Variants in TEX14 observed in about 807,000 individuals in gnomAD.
TEX14 encodes testis expressed 14, intercellular bridge forming factor, also known as inactive serine/threonine-protein kinase TEX14.
TEX14 carries 168 observed loss-of-function variants against 178.6 expected under a neutral mutation model. That is an observed-to-expected ratio of 0.94 (90% confidence interval 0.83 to 1.07). The LOEUF is 1.07. Ranked by LOEUF, TEX14 falls within the 50% of genes least tolerant of loss-of-function variation. TEX14 has a pLI of 0.00. For synonymous variants in TEX14, 626 were observed against 634.1 expected (o/e 0.99, Z 0.19); for missense variants, 1,730 against 1,753.6 (o/e 0.99, Z 0.24).
At chr17:58,623,722 G>T (rs1372383875) in intron 3 of TEX14, among the ~76,000 whole-genome samples, 1 of 149,608 alleles carries the variant, frequency 6.7e-6, no homozygotes, top group Non-Finnish European at 1.5e-5. Flanking sequence ...AACACAAATA[G>T]GAGGAGGAGG....
chr17:58,689,046 T>C (rs1311501918), intron 1 of TEX14, among the ~76,000 whole-genome samples: 1 of 152,044 alleles, frequency 6.6e-6, no homozygotes, highest in African/African-American at 2.4e-5. Flanking sequence ...TTCTCCTGCC[T>C]CAGCCTCCCA....
intron 26 of TEX14, among the ~76,000 whole-genome samples, chr17:58,568,535 G>C (rs917796313): frequency 6.6e-6 from 1 of 152,194 alleles, no homozygotes; most frequent in South Asian, 2.1e-4. Flanking sequence ...GGGCTGGTTG[G>C]CCAGGCTGTC....
At chr17:58,574,674 C>CAA (rs2044632875) in intron 21 of TEX14, among the ~76,000 whole-genome samples, 1 of 20,522 alleles carries the variant, frequency 4.9e-5, no homozygotes, top group African/African-American at 3.3e-4. Flanking sequence ...GACTCCATCT[C>CAA]CAAAAAAAAA....
chr17:58,648,754 A>G (rs941057091), intron 2 of TEX14, among the ~76,000 whole-genome samples: 11 of 150,264 alleles, frequency 7.3e-5, no homozygotes, highest in Admixed American at 2.7e-4. Flanking sequence ...GGAAAGCCAC[A>G]GCCTTCTAAT....
At chr17:58,662,998 C>A (rs2143390915) in intron 1 of TEX14, among the ~76,000 whole-genome samples, 1 of 151,728 alleles carries the variant, frequency 6.6e-6, no homozygotes, top group Non-Finnish European at 1.5e-5. Flanking sequence ...GTCCCAGCCA[C>A]TCGGAGAGGC....
At chr17:58,622,507 C>T (rs1390458522) in intron 4 of TEX14, among the ~76,000 whole-genome samples, 1 of 151,752 alleles carries the variant, frequency 6.6e-6, no homozygotes, top group Non-Finnish European at 1.5e-5. Context: ...GTTTCCCCAC[C>T]TGTACAATAA....
chr17:58,557,038 C>A lies in TEX14; in HGVS notation c.4329G>T (p.Val1443=). The A allele has an allele frequency of 1.9e-6, 3 of 1,613,872 alleles. No individual in the cohort carries two copies. Among genetic ancestry groups the A allele is most frequent in the Non-Finnish European group, 2.5e-6 (3 of 1,179,728 alleles). Reference sequence around the variant, plus strand: ...AGTCTGACAAGTCACTCTGATCCAGCACGATTATCCTATGCACATGTTTTT... The same window carrying A: ...AGTCTGACAAGTCACTCTGATCCAGAACGATTATCCTATGCACATGTTTTT... ...LGWSESSRII[V]LDQSDLSD The change falls in exon 32 of 32, where the codon GTG becomes GTT. Residue 1443 remains valine (V), a synonymous_variant. Transcript: ENST00000349033.
At chr17:58,682,471 T>C (rs2047516875) in intron 1 of TEX14, among the ~76,000 whole-genome samples, 1 of 152,060 alleles carries the variant, frequency 6.6e-6, no homozygotes, top group Non-Finnish European at 1.5e-5. Context: ...TTGGCGAGGC[T>C]GGTCTCGAAC....
chr17:58,646,124 A>G (rs184111136), intron 2 of TEX14, among the ~76,000 whole-genome samples: 28 of 152,344 alleles, frequency 1.8e-4, no homozygotes, highest in Admixed American at 1.7e-3. Context: ...AGCAGTGTCA[A>G]CTGTATTGAA....
intron 21 of TEX14, 96 bp from the exon 22 acceptor site, chr17:58,574,345 G>T (rs2044621610): frequency 2.2e-6 from 2 of 915,184 alleles, no homozygotes; most frequent in Non-Finnish European, 3.5e-6. Context: ...AGCCCAGTGT[G>T]AGACGCAGAG....
chr17:58,631,660 C>T (rs980651404), intron 2 of TEX14: 6 of 151,682 alleles, frequency 4.0e-5, no homozygotes, highest in Non-Finnish European at 5.9e-5. Flanking sequence ...ACTGCCTTCT[C>T]TAGAGAAGAA....
At chr17:58,687,696 T>C (rs1485109901) in intron 1 of TEX14, among the ~76,000 whole-genome samples, 1 of 152,114 alleles carries the variant, frequency 6.6e-6, no homozygotes, top group Non-Finnish European at 1.5e-5. Flanking sequence ...TCTCCCCAGC[T>C]ATAACAAAAA....
At chr17:58,570,623 T>A in intron 24 of TEX14, 139 bp from the exon 25 acceptor site, 1 of 375,530 alleles carries the variant, frequency 2.7e-6, no homozygotes, top group Non-Finnish European at 4.5e-6. Flanking sequence ...CTCCTTTTTT[T>A]TTTTTTTTTT....
chr17:58,648,868 C>T (rs916260775), intron 2 of TEX14, among the ~76,000 whole-genome samples: 2 of 144,138 alleles, frequency 1.4e-5, no homozygotes, highest in African/African-American at 5.2e-5. Context: ...CGGATCACTG[C>T]AAGCTCCGCC....
chr17:58,661,291 A>G (rs1003711232), intron 1 of TEX14: 1 of 812,184 alleles, frequency 1.2e-6, no homozygotes, highest in Non-Finnish European at 2.2e-6. Context: ...CCTGCTGCAA[A>G]TGATCTAGAC....
At chr17:58,581,483 A>T (rs2044817049) in intron 19 of TEX14, 2 of 1,059,522 alleles carry the variant, frequency 1.9e-6, no homozygotes, top group South Asian at 2.8e-5. Flanking sequence ...CACTCCTGAC[A>T]CCAAAAAAGG....
At chr17:58,618,156 C>T (rs1567738743) in intron 5 of TEX14, among the ~76,000 whole-genome samples, 1 of 152,212 alleles carries the variant, frequency 6.6e-6, no homozygotes, top group Non-Finnish European at 1.5e-5. Context: ...CTAGTTAAAC[C>T]ATTCCCTGAT....
chr17:58,590,569 T>C (rs996980474), intron 15 of TEX14, among the ~76,000 whole-genome samples: 2 of 147,036 alleles, frequency 1.4e-5, no homozygotes, highest in Non-Finnish European at 3.0e-5. Flanking sequence ...TTGTTGTTGT[T>C]GTTTGAGACA....
chr17:58,595,247 G>T (rs555577368), intron 14 of TEX14, among the ~76,000 whole-genome samples: 11 of 152,204 alleles, frequency 7.2e-5, no homozygotes, highest in Non-Finnish European at 8.8e-5. Context: ...TCTGAAAAAT[G>T]CATTTAGATG....
Sources: allele counts gnomAD v4.1 joint callset (sites outside exome capture counted in the v4.1 genomes callset), GRCh38; gene constraint gnomAD v4.1.1; transcripts MANE v1.5; gene names NCBI Gene and HGNC (gene_info 2026-07-23, HGNC 2026-07-21).